Variants in COL11A2 observed in about 807,000 individuals in gnomAD.
COL11A2 encodes collagen type XI alpha 2 chain.
Under a neutral mutation model 273.4 loss-of-function variants are expected in COL11A2, and 116 were observed. The observed-to-expected ratio is 0.42, with a 90% CI of 0.36 to 0.49. The LOEUF is 0.49. Among genes scored for constraint, COL11A2 ranks in the 20% least tolerant of loss-of-function variants. COL11A2 has a pLI of 0.00. For synonymous variants in COL11A2, 782 were observed against 864.2 expected, an observed-to-expected ratio of 0.90 and a Z score of 1.67; for missense variants, 1,866 against 2,309.0, an observed-to-expected ratio of 0.81 and a Z score of 3.93.
Position 33,178,742 on chromosome 6 carries a change from G to A in COL11A2, c.1666-10C>T, listed in dbSNP as rs1349890360. On this transcript the variant is annotated splice_polypyrimidine_tract_variant and intron_variant, in intron 17 of 65. Transcript: ENST00000341947. This position sits in a 1 kb window ranked among gnomAD's most constrained non-coding sequence, Gnocchi z 4.6. The stretch of plus-strand genomic sequence containing the variant: ...CAAAACCTCGGTCACCCTAGGAGGA[G>A]GAAGGATAGCCAGAGTGAGGACACG... 3.7e-6 allele frequency: 6 copies of A among 1,612,668 alleles called. No individual in the cohort carries two copies. The highest frequency in any genetic ancestry group is 2.2e-5 in the South Asian group (2 of 91,078).
intron 52 of COL11A2, 90 bp from the exon 53 acceptor site, chr6:33,168,849 T>G (rs1029331435): frequency 1.4e-5 from 23 of 1,600,276 alleles, no homozygotes; most frequent in Non-Finnish European, 1.8e-5. Flanking sequence ...TTGCCCACCC[T>G]GCCATACCCC....
rs1350210126 is a variant in COL11A2, at chr6:33,164,385, A to T, written c.4952T>A (p.Val1651Asp). The T allele has an allele frequency of 6.2e-7, 1 of 1,610,612 alleles. No homozygotes were observed. The highest frequency in any genetic ancestry group is 8.5e-7 in the Non-Finnish European group (1 of 1,178,994). Residue 1651 changes from valine to aspartate, a missense_variant, in exon 65 of 66, where the codon GTC becomes GAC. Val to Asp is a radical substitution (Grantham distance 152). Transcript: ENST00000341947. This position sits in a 1 kb window ranked among gnomAD's most constrained non-coding sequence, Gnocchi z 4.7. Reference sequence around the variant, plus strand: ...GGCTGCTCCAGAGCAGGGGTAGGAGACGTCCTGGTGGGCTGAGACGCTGAG... The same window carrying T: ...GGCTGCTCCAGAGCAGGGGTAGGAGTCGTCCTGGTGGGCTGAGACGCTGAG... ...RLLSVSAHQD[V>D]SYPCSGAARD... is the part of the protein sequence containing the mutation.
At position 33,167,362 on chromosome 6, in the gene COL11A2, C is replaced by A; in HGVS notation, c.4123-45G>T. On this transcript the variant is annotated intron_variant, in intron 56 of 65. Coordinates refer to ENST00000341947, the MANE Select transcript of COL11A2 (RefSeq NM_080680.3). This position sits in a 1 kb window ranked among gnomAD's most constrained non-coding sequence, Gnocchi z 6.1. ...ACAGGGGTCAGGAGGAGCATCCCCACACTGCACCCCTCCCATGGCCCCTCA... is the reference window on the plus strand; with the variant it reads ...ACAGGGGTCAGGAGGAGCATCCCCAAACTGCACCCCTCCCATGGCCCCTCA... The A allele has an allele frequency of 6.2e-7, 1 of 1,612,784 alleles. No homozygotes were observed. The highest frequency in any genetic ancestry group is 1.3e-5 in the African/African-American group (1 of 75,020).
intron 40 of COL11A2, 76 bp from the exon 41 acceptor site, chr6:33,172,179 C>G: frequency 3.8e-6 from 6 of 1,596,812 alleles, no homozygotes; most frequent in Non-Finnish European, 4.3e-6. Flanking sequence ...AAGACAGGCT[C>G]CAAAAGATGG....
Position 33,192,234 on chromosome 6 carries a change from G to C in COL11A2, c.7C>G (p.Arg3Gly). 1 of 1,558,942 alleles carries C rather than the reference G, an allele frequency of 6.4e-7. No homozygotes were observed. The highest frequency in any genetic ancestry group is 8.7e-7 in the Non-Finnish European group (1 of 1,151,708). ...AGGAGGCGATGGCAGCGGCTGCACC[G>C]CTCCATGGCTGAGAAGCCGAAACGC... ME[R>G]CSRCHRLLLL... The change falls in exon 1 of 66, where the codon CGG (arginine) becomes GGG (glycine). Residue 3 changes from arginine (R) to glycine (G), a missense_variant. Physicochemically the swap from Arg to Gly is moderately radical, Grantham distance 125. Coordinates refer to ENST00000341947, the MANE Select transcript of COL11A2 (RefSeq NM_080680.3).
Position 33,179,270 on chromosome 6 carries a change from G to C in COL11A2, c.1518C>G (p.Ser506Arg), listed in dbSNP as rs1771374863. Residue 506 changes from serine (S) to arginine (R), a missense_variant, in exon 15 of 66, where the codon AGC (serine) becomes AGG (arginine). By Grantham distance (110) the Ser-to-Arg change is moderately radical. Coordinates refer to ENST00000341947, the MANE Select transcript of COL11A2 (RefSeq NM_080680.3). The surrounding 1 kb of genome is among the most constrained non-coding windows in gnomAD (Gnocchi z 6.4). ...CTCCAGACTCTCCTTTCAGGCCAGG[G>C]CTCCCAGGTTGGCCCTGGGAGAGAG... is the stretch of plus-strand genomic sequence containing the variant. ...GRPGPLGQPG[S>R]PGLKGESGDL... 6.2e-7 allele frequency: 1 copy of C among 1,611,226 alleles called. No homozygotes were observed. Among genetic ancestry groups the C allele is most frequent in the Non-Finnish European group, 8.5e-7 (1 of 1,179,230 alleles).
chr6:33,180,840 G>A (rs1459215635), intron 10 of COL11A2, 110 bp from the exon 11 acceptor site: 18 of 1,552,206 alleles, frequency 1.2e-5, no homozygotes, highest in African/African-American at 4.1e-5. Context: ...TCTGGGAAGC[G>A]TTGATTGGAG....
rs1768820303 is a variant in COL11A2, at chr6:33,164,589, G to A, written c.4864-116C>T. The A allele has an allele frequency of 2.1e-6, 2 of 935,424 alleles. No individual in the cohort carries two copies. Among genetic ancestry groups the A allele is most frequent in the African/African-American group, 3.3e-5 (2 of 59,752 alleles). The allele number at this position is 935,424 out of a possible 1,614,324, so 57.9% of individuals were successfully genotyped here. On this transcript the variant is annotated intron_variant, in intron 64 of 65. Transcript: ENST00000341947. This position sits in a 1 kb window ranked among gnomAD's most constrained non-coding sequence, Gnocchi z 4.7. ...ACCAGGACAGCTGAGCCAGAGTCAT[G>A]AGCAGGGAATGGCTGGAAGGCAAGG...
Position 33,167,369 on chromosome 6 carries a change from C to A in COL11A2, c.4123-52G>T. The A allele has an allele frequency of 6.2e-7, 1 of 1,612,614 alleles. No individual in the cohort carries two copies. The highest frequency in any genetic ancestry group is 8.5e-7 in the Non-Finnish European group (1 of 1,179,702). Reference sequence around the variant, plus strand: ...TCAGGAGGAGCATCCCCACACTGCACCCCTCCCATGGCCCCTCACTCCCAC... The same window carrying A: ...TCAGGAGGAGCATCCCCACACTGCAACCCTCCCATGGCCCCTCACTCCCAC... On this transcript the variant is annotated intron_variant, in intron 56 of 65. Coordinates refer to ENST00000341947, the MANE Select transcript of COL11A2 (RefSeq NM_080680.3). This position sits in a 1 kb window ranked among gnomAD's most constrained non-coding sequence, Gnocchi z 6.1.
Position 33,173,973 on chromosome 6 carries a change from T to C in COL11A2, c.2529+38A>G, listed in dbSNP as rs1043328013. ...TCAGAGAAACCCAAATGCCCCCCTCTGGACCTTGAGCCACCTGTTTCTCTC... is the reference window on the plus strand; with the variant it reads ...TCAGAGAAACCCAAATGCCCCCCTCCGGACCTTGAGCCACCTGTTTCTCTC... On this transcript the variant is annotated intron_variant, in intron 33 of 65. Transcript: ENST00000341947. This position sits in a 1 kb window ranked among gnomAD's most constrained non-coding sequence, Gnocchi z 6.3. The C allele has an allele frequency of 1.3e-5, 21 of 1,614,068 alleles. No individual in the cohort carries two copies. Among genetic ancestry groups the C allele is most frequent in the Non-Finnish European group, 1.8e-5 (21 of 1,179,982 alleles).
At chr6:33,188,866 T>TG in intron 3 of COL11A2, 112 bp downstream of exon 3, 1 of 1,219,066 alleles carries the variant, frequency 8.2e-7, no homozygotes, top group Admixed American at 1.7e-5. Flanking sequence ...AGTGGGTAGG[T>TG]GTGGTGTGGC....
chr6:33,171,787 CT>C lies in COL11A2; in HGVS notation c.3075del (p.Gly1027AspfsTer318), dbSNP rs1770116834. 6.2e-7 allele frequency: 1 copy of C among 1,612,954 alleles called. No individual in the cohort carries two copies. The highest frequency in any genetic ancestry group is 8.5e-7 in the Non-Finnish European group (1 of 1,179,976). Reference sequence around the variant, plus strand: ...CGCCCTGGCGGACCAATGGGTCCCCCTGATCCTGCTGCACCTCGTTCCCCAG... The same window carrying C: ...CGCCCTGGCGGACCAATGGGTCCCCCGATCCTGCTGCACCTCGTTCCCCAG... ...GSPGERGAAG[S>X]GGPIGPPGRP... On this transcript the variant is annotated frameshift_variant, in exon 42 of 66. Transcript: ENST00000341947. LOFTEE classifies it high-confidence loss of function.
chr6:33,190,368 C>T lies in COL11A2; in HGVS notation c.83-899G>A, dbSNP rs1356810218. On this transcript the variant is annotated intron_variant, in intron 1 of 65. Transcript: ENST00000341947. The surrounding 1 kb of genome is among the most constrained non-coding windows in gnomAD (Gnocchi z 4.5). ...CTCACCACCCCCACCAACCCCACCA[C>T]CTGGGACCCAAAGATTCAAGATCCA... is the stretch of plus-strand genomic sequence containing the variant. Among the ~76,000 whole-genome samples, 1 of 152,124 alleles carries T rather than the reference C, an allele frequency of 6.6e-6. No individual in the cohort carries two copies. The highest frequency in any genetic ancestry group is 2.4e-5 in the African/African-American group (1 of 41,400).
In COL11A2 at chr6:33,177,933, A is replaced by G. The variant is rs2855423; in HGVS notation, c.1872+199T>C. ...TTTATTTCCTATGCCCAGAGCCCTC[A>G]GGGCACCACGCCACATGGCCCTCCC... is the stretch of plus-strand genomic sequence containing the variant. On this transcript the variant is annotated intron_variant, in intron 21 of 65. Transcript: ENST00000341947. The surrounding 1 kb of genome is among the most constrained non-coding windows in gnomAD (Gnocchi z 5.9). 0.77 allele frequency: 584,865 copies of G among 759,856 alleles called. 227,794 individuals carry two copies. The highest frequency in any genetic ancestry group is 0.99 in the East Asian group (37,122 of 37,498). 47.1% of individuals were successfully genotyped at this position (759,856 alleles called of 1,614,324 possible). A position where few individuals can be genotyped will look rare whatever the true frequency, so the allele number is the denominator to read the frequency against.
rs769169475 is a variant in COL11A2, at chr6:33,167,492, C to T, written c.4056G>A (p.Pro1352=). 4.8e-5 allele frequency: 78 copies of T among 1,612,866 alleles called. No individual in the cohort carries two copies. The South Asian group carries it at 5.4e-4, about 11-fold the overall frequency. ...TCCCTGCTGGGCCTGCAGGACCCAC[C>T]GGGCCTGTCTTCCCCGGGGCACCTA... ...GAIGAPGKTG[P]VGPAGPAGKP... Residue 1352 remains proline (P), a synonymous_variant, in exon 56 of 66, where the codon CCG becomes CCA. Transcript: ENST00000341947. This position sits in a 1 kb window ranked among gnomAD's most constrained non-coding sequence, Gnocchi z 6.1.
chr6:33,177,798 C>A lies in COL11A2; in HGVS notation c.1873-92G>T. 1 of 1,409,224 alleles carries A rather than the reference C, an allele frequency of 7.1e-7. No homozygotes were observed. The allele number at this position is 1,409,224 out of a possible 1,614,324, so 87.3% of individuals were successfully genotyped here. A position where few individuals can be genotyped will look rare whatever the true frequency, so the allele number is the denominator to read the frequency against. Reference sequence around the variant, plus strand: ...CGGCCATTCCCGAGGGTGTGACGGTCAGACCTCCAATCCATCCCAAACCCA... The same window carrying A: ...CGGCCATTCCCGAGGGTGTGACGGTAAGACCTCCAATCCATCCCAAACCCA... On this transcript the variant is annotated intron_variant, in intron 21 of 65. Coordinates refer to ENST00000341947, the MANE Select transcript of COL11A2 (RefSeq NM_080680.3). The surrounding 1 kb of genome is among the most constrained non-coding windows in gnomAD (Gnocchi z 5.9).
chr6:33,163,864 C>T lies in COL11A2; in HGVS notation c.5071-46G>A. On this transcript the variant is annotated intron_variant, in intron 65 of 65. Coordinates refer to ENST00000341947, the MANE Select transcript of COL11A2 (RefSeq NM_080680.3). The surrounding 1 kb of genome is among the most constrained non-coding windows in gnomAD (Gnocchi z 4.1). ...GAAAGTGTGAGCAGGATGGAGGCAC[C>T]CCCCACCCTCTAACCTCAGGCCCAG... The T allele has an allele frequency of 1.2e-6, 2 of 1,612,674 alleles. No homozygotes were observed. The highest frequency in any genetic ancestry group is 1.7e-6 in the Non-Finnish European group (2 of 1,179,792).
Position 33,189,548 on chromosome 6 carries a change from T to G in COL11A2, c.83-79A>C. 6.3e-7 allele frequency: 1 copy of G among 1,578,826 alleles called. No individual in the cohort carries two copies. Among genetic ancestry groups the G allele is most frequent in the Non-Finnish European group, 8.7e-7 (1 of 1,156,026 alleles). On this transcript the variant is annotated intron_variant, in intron 1 of 65. Transcript: ENST00000341947. This position sits in a 1 kb window ranked among gnomAD's most constrained non-coding sequence, Gnocchi z 5.6. ...ATAGGGGACATTTGGGATCTAGAACTCAGCTTTCCAGGGCTCAAACTCCCT... is the reference window on the plus strand; with the variant it reads ...ATAGGGGACATTTGGGATCTAGAACGCAGCTTTCCAGGGCTCAAACTCCCT...
rs1439064013 is a variant in COL11A2, at chr6:33,177,030, G to C, written c.2032C>G (p.Pro678Ala). 1.2e-6 allele frequency: 2 copies of C among 1,612,062 alleles called. No homozygotes were observed. Among genetic ancestry groups the C allele is most frequent in the African/African-American group, 2.7e-5 (2 of 74,888 alleles). Residue 678 changes from proline to alanine, a missense_variant, in exon 25 of 66, where the codon CCA (proline) becomes GCA (alanine). By Grantham distance (27) the Pro-to-Ala change is conservative. Coordinates refer to ENST00000341947, the MANE Select transcript of COL11A2 (RefSeq NM_080680.3). The surrounding 1 kb of genome is among the most constrained non-coding windows in gnomAD (Gnocchi z 5.9). The stretch of plus-strand genomic sequence containing the variant: ...GAGCCAGGCATGCCGGGGAGCCCTG[G>C]CTTCCCTTGAGGACCCTGCAGGAAG... ...PHGEKGPQGK[P>A]GLPGMPGSDG...
Sources: gnomAD v4.1 joint callset for allele counts (sites outside exome capture counted in the v4.1 genomes callset) on GRCh38, gnomAD v4.1.1 for gene constraint, Gnocchi (gnomAD v3.1) non-coding constraint, MANE v1.5 for transcripts, NCBI Gene and HGNC (gene_info 2026-07-23, HGNC 2026-07-21) for gene names.